GALNT1: variants seen among roughly 807,000 people sequenced by gnomAD.
The protein encoded by GALNT1 is polypeptide N-acetylgalactosaminyltransferase 1.
In GALNT1, 17 loss-of-function variants were observed where a neutral mutation model predicts 65.7. That is an observed-to-expected ratio of 0.26 (90% CI 0.18 to 0.39). The LOEUF is 0.39. Ranked by LOEUF, GALNT1 falls within the 10% of genes least tolerant of loss-of-function variation. The probability of loss-of-function intolerance (pLI) is 1.00; values close to 1 mark genes in which losing one functional copy is unlikely to be tolerated. For missense variants in GALNT1, 460 were observed against 672.8 expected, an observed-to-expected ratio of 0.68 and a Z score of 3.50; for synonymous variants, 210 against 219.7, an observed-to-expected ratio of 0.96 and a Z score of 0.39.
chr18:35,621,566 T>C (rs2046852570), intron 1 of GALNT1, among the ~76,000 whole-genome samples: 1 of 152,168 alleles, frequency 6.6e-6, no homozygotes, highest in Admixed American at 6.6e-5. Flanking sequence ...TGTATGTATC[T>C]GAATATTTCT....
chr18:35,595,882 G>A (rs2046498778), intron 1 of GALNT1: 1 of 152,134 alleles, frequency 6.6e-6, no homozygotes, highest in Non-Finnish European at 1.5e-5. Flanking sequence ...TTCTGAATTA[G>A]AATATTATGA....
intron 3 of GALNT1, chr18:35,664,426 T>G (rs2047517302): frequency 6.6e-6 from 1 of 152,300 alleles, no homozygotes. Flanking sequence ...TGATTTGTAA[T>G]ATGAATATGC....
At chr18:35,632,841 A>T (rs976931920) in intron 1 of GALNT1, among the ~76,000 whole-genome samples, 1 of 152,204 alleles carries the variant, frequency 6.6e-6, no homozygotes, top group Non-Finnish European at 1.5e-5. Flanking sequence ...AAAGAACTCA[A>T]ACAAATTTAC....
intron 2 of GALNT1, among the ~76,000 whole-genome samples, chr18:35,661,216 T>A (rs2047472423): frequency 6.6e-6 from 1 of 152,086 alleles, no homozygotes; most frequent in African/African-American, 2.4e-5. Context: ...TAGAAAATCA[T>A]GGCTGGGAGC....
At chr18:35,645,669 A>G (rs567086518) in intron 1 of GALNT1, among the ~76,000 whole-genome samples, 9 of 152,168 alleles carry the variant, frequency 5.9e-5, no homozygotes, top group Non-Finnish European at 1.0e-4. Context: ...AATAATTTCT[A>G]TGTAGAAATC....
rs370997836 is a variant in GALNT1 at position 35,584,645 on chromosome 18, C to T, written c.-104+2783C>T. Among the ~76,000 whole-genome samples, 6 of 152,162 alleles carry T rather than the reference C, an allele frequency of 3.9e-5. No homozygotes were observed. In the East Asian group the frequency reaches 7.7e-4, roughly 20 times the overall value. ...CCAGTTTTGTGGAAGACAGTTTTTC[C>T]GTGGACCAGGTTGGGGGCCAGGGGA... On this transcript the variant is annotated intron_variant, in intron 1 of 11. Transcript: ENST00000269195.
upstream of GALNT1, chr18:35,581,314 G>A (rs1475149614): frequency 1.3e-5 from 2 of 151,422 alleles, no homozygotes; most frequent in East Asian, 1.9e-4. Context: ...GTGTGAGCGG[G>A]GGCCGGGACT....
chr18:35,630,198 T>C (rs1451540868), intron 1 of GALNT1, among the ~76,000 whole-genome samples: 1 of 152,106 alleles, frequency 6.6e-6, no homozygotes, highest in South Asian at 2.1e-4. Context: ...CTGCACCAAG[T>C]GGACCTAATA....
chr18:35,642,536 G>A (rs1399836063), intron 1 of GALNT1, among the ~76,000 whole-genome samples: 1 of 152,142 alleles, frequency 6.6e-6, no homozygotes, highest in Non-Finnish European at 1.5e-5. Flanking sequence ...TGTTCTTATT[G>A]TTAAACCAGG....
chr18:35,629,505 C>T (rs539255324), intron 1 of GALNT1, among the ~76,000 whole-genome samples: 4 of 152,158 alleles, frequency 2.6e-5, no homozygotes, highest in Admixed American at 2.6e-4. Context: ...ACTTTACAGA[C>T]AAGCAAATGC....
intron 11 of GALNT1, among the ~76,000 whole-genome samples, chr18:35,706,943 TTTATACAAGTAGAAA>T (rs914479439): frequency 1.3e-5 from 2 of 152,214 alleles, no homozygotes; most frequent in African/African-American, 4.8e-5. Flanking sequence ...CAGGATACTT[TTTATACAAGTAGAAA>T]TTGAAACTCA....
chr18:35,706,692 A>G (rs958770881), intron 11 of GALNT1, among the ~76,000 whole-genome samples: 2 of 152,072 alleles, frequency 1.3e-5, no homozygotes, highest in African/African-American at 2.4e-5. Flanking sequence ...TTCTGGGCCA[A>G]TATCTGTAAA....
At chr18:35,668,980 G>A (rs1253401233) in intron 3 of GALNT1, among the ~76,000 whole-genome samples, 3 of 152,154 alleles carry the variant, frequency 2.0e-5, no homozygotes, top group African/African-American at 4.8e-5. Context: ...ACTGACTCAC[G>A]CCTGTAATCC....
intron 7 of GALNT1, among the ~76,000 whole-genome samples, chr18:35,689,523 AGTT>A (rs772024138): frequency 6.6e-6 from 1 of 152,126 alleles, no homozygotes; most frequent in Non-Finnish European, 1.5e-5. Flanking sequence ...AAGATTCCCT[AGTT>A]GTTTTTAATT....
chr18:35,623,021 A>T (rs547209163), intron 1 of GALNT1, among the ~76,000 whole-genome samples: 1 of 152,114 alleles, frequency 6.6e-6, no homozygotes, highest in East Asian at 1.9e-4. Context: ...CATCTATCAC[A>T]TCTTCATATT....
chr18:35,648,184 T>C (rs568033138), intron 1 of GALNT1, among the ~76,000 whole-genome samples: 1 of 152,074 alleles, frequency 6.6e-6, no homozygotes, highest in South Asian at 2.1e-4. Context: ...TTTACTGATA[T>C]GCAAATGGGC....
chr18:35,602,117 C>A (rs1410076482), intron 1 of GALNT1, among the ~76,000 whole-genome samples: 1 of 152,134 alleles, frequency 6.6e-6, no homozygotes, highest in East Asian at 1.9e-4. Flanking sequence ...CTCTCCATGT[C>A]TGGAGGAAAG....
intron 2 of GALNT1, among the ~76,000 whole-genome samples, 181 bp from the exon 3 acceptor site, chr18:35,663,447 A>G (rs1280748211): frequency 6.6e-6 from 1 of 152,164 alleles, no homozygotes; most frequent in Non-Finnish European, 1.5e-5. Flanking sequence ...GAGTCAGGAC[A>G]CTGGTGTGGA....
In GALNT1 at chr18:35,654,705, T is replaced by C. The variant is rs2047356938; in HGVS notation, c.43T>C (p.Leu15=). The C allele has an allele frequency of 1.9e-6, 3 of 1,564,618 alleles. No homozygotes were observed. Among genetic ancestry groups the C allele is most frequent in the Non-Finnish European group, 1.7e-6 (2 of 1,152,344 alleles). ...CTGCAAGGTGGTCCTAGCCACCTCC[T>C]TGATTTGGGTACTCTTGGATATGTT... ...AYCKVVLATS[L]IWVLLDMFLL... Residue 15 remains leucine, a synonymous_variant, in exon 2 of 12, where the codon TTG becomes CTG. Coordinates refer to ENST00000269195, the MANE Select transcript of GALNT1 (RefSeq NM_020474.4).
Sources: gnomAD v4.1 joint callset for allele counts (sites outside exome capture counted in the v4.1 genomes callset) on GRCh38, gnomAD v4.1.1 for gene constraint, MANE v1.5 for transcripts, NCBI Gene and HGNC (gene_info 2026-07-23, HGNC 2026-07-21) for gene names.